The following LRRC37A2 variants were observed in gnomAD, a reference collection of about 807,000 sequenced individuals.
The protein encoded by LRRC37A2 is leucine rich repeat containing 37 member A2.
LRRC37A2 carries 9 observed loss-of-function variants against 68.8 expected under a neutral mutation model. The observed-to-expected ratio is 0.13, with a 90% CI of 0.08 to 0.23. LRRC37A2 has a LOEUF of 0.23. Ranked by LOEUF, LRRC37A2 falls within the 10% of genes least tolerant of loss-of-function variation. The probability of loss-of-function intolerance (pLI) is 1.00; values close to 1 mark genes in which losing one functional copy is unlikely to be tolerated. For missense variants in LRRC37A2, 168 were observed against 950.4 expected, an observed-to-expected ratio of 0.18 and a Z score of 10.82; for synonymous variants, 63 against 367.6, an observed-to-expected ratio of 0.17 and a Z score of 9.48.
At chr17:46,694,415 TCTC>T in the LRRC37A2 span, 6 of 1,064,166 alleles carry the variant, frequency 5.6e-6, no homozygotes, top group Non-Finnish European at 5.4e-6. Context: ...ATAATGATAA[TCTC>T]CTCTGATGGT....
At chr17:46,979,021 CG>C in the LRRC37A2 span, 4 of 1,391,248 alleles carry the variant, frequency 2.9e-6, no homozygotes, top group Admixed American at 3.8e-5. Flanking sequence ...CGCGCGGCGC[CG>C]GGGGTCTCGG....
chr17:46,850,070 G>T, the LRRC37A2 span, among the ~76,000 whole-genome samples: 1 of 152,112 alleles, frequency 6.6e-6, no homozygotes, highest in Non-Finnish European at 1.5e-5. Context: ...GGCTGGTCTC[G>T]AATTCCTGAC....
the LRRC37A2 span, among the ~76,000 whole-genome samples, chr17:46,900,015 T>C: frequency 1.3e-5 from 2 of 151,370 alleles, no homozygotes; most frequent in Non-Finnish European, 2.9e-5. Context: ...TCCTCATCTG[T>C]AGAATGGGCA....
At chr17:47,020,854 T>G in the LRRC37A2 span, among the ~76,000 whole-genome samples, 1 of 144,428 alleles carries the variant, frequency 6.9e-6, no homozygotes, top group Non-Finnish European at 1.5e-5. Flanking sequence ...TATATATAAT[T>G]AAGTACTAAA....
At chr17:46,900,998 G>T in the LRRC37A2 span, among the ~76,000 whole-genome samples, 261 of 152,148 alleles carry the variant, frequency 1.7e-3, 1 homozygote, top group African/African-American at 6.0e-3. Flanking sequence ...GTAATGCAAT[G>T]GAAATTAATC....
At chr17:46,790,973 T>G in the LRRC37A2 span, among the ~76,000 whole-genome samples, 1 of 152,250 alleles carries the variant, frequency 6.6e-6, no homozygotes, top group Admixed American at 6.5e-5. Flanking sequence ...ACTCCTCGTT[T>G]CCTCTGGGGT....
chr17:46,760,522 C>A, the LRRC37A2 span, among the ~76,000 whole-genome samples: 2 of 149,488 alleles, frequency 1.3e-5, no homozygotes, highest in African/African-American at 4.9e-5. Flanking sequence ...ATGGTCCCAG[C>A]TACACGGGAG....
At chr17:46,872,927 C>G in the LRRC37A2 span, among the ~76,000 whole-genome samples, 1 of 152,032 alleles carries the variant, frequency 6.6e-6, no homozygotes, top group Non-Finnish European at 1.5e-5. Context: ...AGAAGAGTCA[C>G]AAGAGTTAAT....
the LRRC37A2 span, among the ~76,000 whole-genome samples, chr17:46,995,987 A>C: frequency 6.6e-6 from 1 of 151,634 alleles, no homozygotes; most frequent in South Asian, 2.1e-4. Context: ...CTGCCTCCCC[A>C]CTCAGCAGGA....
chr17:46,761,330 G>GTT, the LRRC37A2 span, among the ~76,000 whole-genome samples: 1 of 145,554 alleles, frequency 6.9e-6, no homozygotes, highest in Non-Finnish European at 1.5e-5. Context: ...GTTTTTTTTT[G>GTT]TTTGTTTTTT....
the LRRC37A2 span, among the ~76,000 whole-genome samples, chr17:46,867,903 G>C: frequency 6.6e-6 from 1 of 152,144 alleles, no homozygotes; most frequent in African/African-American, 2.4e-5. Context: ...GGAGGTGGGG[G>C]CTCTGGTTTT....
chr17:46,988,763 G>A, the LRRC37A2 span, among the ~76,000 whole-genome samples: 1 of 152,198 alleles, frequency 6.6e-6, no homozygotes, highest in African/African-American at 2.4e-5. Flanking sequence ...GCACCCTGGG[G>A]CTGGAGATAA....
At chr17:47,007,220 G>A in the LRRC37A2 span, among the ~76,000 whole-genome samples, 7 of 151,812 alleles carry the variant, frequency 4.6e-5, no homozygotes, top group Non-Finnish European at 7.4e-5. Context: ...CTCTGTTGCC[G>A]AGGCTGGAGT....
the LRRC37A2 span, chr17:46,872,677 G>C: frequency 6.2e-7 from 1 of 1,613,638 alleles, no homozygotes; most frequent in Non-Finnish European, 8.5e-7. Context: ...GACCCTGAGG[G>C]ATGCTGCGCA....
the LRRC37A2 span, among the ~76,000 whole-genome samples, chr17:46,379,846 TTTG>T: frequency 3.0e-3 from 206 of 68,708 alleles, no homozygotes; most frequent in African/African-American, 9.5e-3. Context: ...ATCAAATGTT[TTTG>T]TTGTTGTTGC....
At chr17:46,893,821 C>T in the LRRC37A2 span, among the ~76,000 whole-genome samples, 1 of 152,142 alleles carries the variant, frequency 6.6e-6, no homozygotes, top group African/African-American at 2.4e-5. Flanking sequence ...TAGGGCAGAG[C>T]CTGGAAAAAG....
the LRRC37A2 span, chr17:46,917,223 G>T: frequency 6.6e-6 from 1 of 152,114 alleles, no homozygotes; most frequent in East Asian, 1.9e-4. Context: ...TCAGATATAG[G>T]TGAGACTCAA....
the LRRC37A2 span, among the ~76,000 whole-genome samples, chr17:47,036,424 C>A: frequency 6.6e-6 from 1 of 152,148 alleles, no homozygotes; most frequent in Non-Finnish European, 1.5e-5. Flanking sequence ...AATTTAAGGT[C>A]ATGAGATTTA....
chr17:46,840,467 CA>C, the LRRC37A2 span, among the ~76,000 whole-genome samples: 2 of 152,222 alleles, frequency 1.3e-5, no homozygotes, highest in African/African-American at 4.8e-5. Context: ...CCACAATAAA[CA>C]TATGTGTGCA....
Sources: allele counts gnomAD v4.1 joint callset (sites outside exome capture counted in the v4.1 genomes callset), GRCh38; gene constraint gnomAD v4.1.1; transcripts MANE v1.5; gene names NCBI Gene and HGNC (gene_info 2026-07-23, HGNC 2026-07-21).